TMEM131: variants seen among roughly 807,000 people sequenced by gnomAD.
TMEM131 encodes the protein 2610524E03Rik.
A neutral mutation model predicts 211.6 loss-of-function variants in TMEM131; 66 were observed. That is an observed-to-expected ratio of 0.31 (90% CI 0.26 to 0.38). The LOEUF is 0.38. Ranked by LOEUF, TMEM131 falls within the 10% of genes least tolerant of loss-of-function variation. The pLI is 1.00. For synonymous variants in TMEM131, 844 were observed against 841.3 expected, an observed-to-expected ratio of 1.00 and a Z score of -0.06; for missense variants, 2,036 against 2,299.3, an observed-to-expected ratio of 0.89 and a Z score of 2.34.
intron 3 of TMEM131, among the ~76,000 whole-genome samples, chr2:97,904,687 T>C (rs1204383152): frequency 6.6e-6 from 1 of 152,092 alleles, no homozygotes; most frequent in Non-Finnish European, 1.5e-5. Context: ...GTTTTCTATT[T>C]TTCCCATCTG....
intron 22 of TMEM131, 104 bp from the exon 23 acceptor site, chr2:97,802,894 C>G: frequency 1.0e-6 from 1 of 980,648 alleles, no homozygotes; most frequent in Non-Finnish European, 1.5e-6. Flanking sequence ...TTTTTGCTGG[C>G]CCTGAAAAAA....
chr2:97,875,314 C>T (rs1309570965), intron 4 of TMEM131, among the ~76,000 whole-genome samples: 1 of 152,122 alleles, frequency 6.6e-6, no homozygotes, highest in South Asian at 2.1e-4. Flanking sequence ...ATCAACAAGA[C>T]AGAAAATTAA....
At chr2:97,888,390 G>A (rs1675247833) in intron 3 of TMEM131, among the ~76,000 whole-genome samples, 1 of 152,170 alleles carries the variant, frequency 6.6e-6, no homozygotes, top group South Asian at 2.1e-4. Flanking sequence ...AATTTATTTG[G>A]TTGGTATAAT....
At chr2:97,875,933 G>A (rs2104156701) in intron 4 of TMEM131, among the ~76,000 whole-genome samples, 1 of 152,306 alleles carries the variant, frequency 6.6e-6, no homozygotes, top group South Asian at 2.1e-4. Context: ...TCCAGGAGCT[G>A]TGTTTTTGAA....
intron 1 of TMEM131, among the ~76,000 whole-genome samples, chr2:97,949,479 T>C (rs1440738399): frequency 6.6e-6 from 1 of 152,136 alleles, no homozygotes; most frequent in Non-Finnish European, 1.5e-5. Flanking sequence ...TTTAAATGTG[T>C]GCAGTTTATT....
intron 34 of TMEM131, 96 bp downstream of exon 34, chr2:97,766,379 TAAC>T: frequency 6.3e-7 from 1 of 1,598,964 alleles, no homozygotes; most frequent in Non-Finnish European, 8.5e-7. Flanking sequence ...GCATGACTAA[TAAC>T]TACTGACTGC....
At chr2:97,995,130 C>T (rs1353605291) in intron 1 of TMEM131, among the ~76,000 whole-genome samples, 2 of 152,242 alleles carry the variant, frequency 1.3e-5, no homozygotes, top group African/African-American at 4.8e-5. Flanking sequence ...ATGCAACCAA[C>T]CGCAACCAAG....
At chr2:97,935,518 C>G (rs1370865878) in intron 1 of TMEM131, among the ~76,000 whole-genome samples, 1 of 152,078 alleles carries the variant, frequency 6.6e-6, no homozygotes, top group Non-Finnish European at 1.5e-5. Flanking sequence ...AATAGTGATT[C>G]TTAAATGGGT....
Position 97,859,312 on chromosome 2 carries a change from GA to G in TMEM131, c.474del (p.Gln159LysfsTer15). The G allele has an allele frequency of 6.3e-7, 1 of 1,592,166 alleles. No individual in the cohort carries two copies. Among genetic ancestry groups the G allele is most frequent in the Admixed American group, 1.8e-5 (1 of 54,182 alleles). On this transcript the variant is annotated frameshift_variant, in exon 5 of 41. Coordinates refer to ENST00000186436, the MANE Select transcript of TMEM131 (RefSeq NM_015348.2). LOFTEE classifies it high-confidence loss of function. ...ATAGCAGAGAAACTTACCCTATTTTGAAAAAATGATGCATGAAAATGTGATG... is the reference window on the plus strand; with the variant it reads ...ATAGCAGAGAAACTTACCCTATTTTGAAAAATGATGCATGAAAATGTGATG... ...ATTSHFHASF[F>X]QNRKILPGGN...
At chr2:97,888,317 G>T (rs1675244755) in intron 3 of TMEM131, among the ~76,000 whole-genome samples, 197 bp from the exon 4 acceptor site, 1 of 152,098 alleles carries the variant, frequency 6.6e-6, no homozygotes, top group Admixed American at 6.5e-5. Context: ...TGAAAAAGTG[G>T]GATTATTTTT....
intron 1 of TMEM131, among the ~76,000 whole-genome samples, chr2:97,969,226 A>G (rs1159783125): frequency 6.6e-6 from 1 of 152,232 alleles, no homozygotes; most frequent in Non-Finnish European, 1.5e-5. Flanking sequence ...TCAATTGTAC[A>G]AAAGAGAAGT....
At position 97,862,492 on chromosome 2, in the gene TMEM131, G is replaced by A. The variant is rs545060652; in HGVS notation, c.360-3065C>T. ...TCAAAGAAATTCAAGATAACATAGA[G>A]AAGGAATTAAGAATTCTATCAGACA... is the stretch of plus-strand genomic sequence containing the variant. On this transcript the variant is annotated intron_variant, in intron 4 of 40. Transcript: ENST00000186436. Among the ~76,000 whole-genome samples the A allele has an allele frequency of 5.3e-4, 80 of 152,094 alleles. No homozygotes were observed. The South Asian group carries it at 0.016, about 30-fold the overall frequency.
At chr2:97,925,821 T>C (rs1198524636) in intron 2 of TMEM131, among the ~76,000 whole-genome samples, 2 of 152,172 alleles carry the variant, frequency 1.3e-5, no homozygotes, top group Non-Finnish European at 2.9e-5. Context: ...AAAAAATTAC[T>C]ATGAGTTGGC....
intron 1 of TMEM131, among the ~76,000 whole-genome samples, chr2:97,989,488 T>C (rs571486421): frequency 6.6e-6 from 1 of 151,776 alleles, no homozygotes; most frequent in African/African-American, 2.4e-5. Context: ...AAATAGGAAG[T>C]TGTTTAATGG....
At chr2:97,875,311 A>T (rs754920886) in intron 4 of TMEM131, among the ~76,000 whole-genome samples, 1 of 152,194 alleles carries the variant, frequency 6.6e-6, no homozygotes, top group Non-Finnish European at 1.5e-5. Context: ...CAGATCAACA[A>T]GACAGAAAAT....
chr2:97,973,082 A>C (rs1679376933), intron 1 of TMEM131, among the ~76,000 whole-genome samples: 1 of 152,236 alleles, frequency 6.6e-6, no homozygotes, highest in Admixed American at 6.5e-5. Flanking sequence ...GTTGTTTTTA[A>C]GCCACTAAAT....
intron 35 of TMEM131, chr2:97,764,659 C>A (rs1458658620): frequency 6.6e-6 from 1 of 152,396 alleles, no homozygotes; most frequent in Non-Finnish European, 1.5e-5. Context: ...AGGCATGCGG[C>A]ACTGGGCCCT....
intron 2 of TMEM131, among the ~76,000 whole-genome samples, chr2:97,919,996 G>A (rs1261567602): frequency 2.6e-5 from 4 of 152,204 alleles, no homozygotes; most frequent in Non-Finnish European, 4.4e-5. Flanking sequence ...GATCAACTGT[G>A]GCATTTGAGG....
At chr2:97,995,276 G>A (rs1340341131) in intron 1 of TMEM131, among the ~76,000 whole-genome samples, 200 bp downstream of exon 1, 1 of 152,238 alleles carries the variant, frequency 6.6e-6, no homozygotes, top group South Asian at 2.1e-4. Flanking sequence ...GGAGACGGGG[G>A]AAGGCACGGG....
Sources: gnomAD v4.1 joint callset for allele counts (sites outside exome capture counted in the v4.1 genomes callset) on GRCh38, gnomAD v4.1.1 for gene constraint, MANE v1.5 for transcripts, NCBI Gene and HGNC (gene_info 2026-07-23, HGNC 2026-07-21) for gene names.